PCDH15: variants seen among roughly 807,000 people sequenced by gnomAD.
PCDH15 encodes protocadherin related 15.
In PCDH15, 129 loss-of-function variants were observed where a neutral mutation model predicts 178.5. That is an observed-to-expected ratio of 0.72 (90% CI 0.63 to 0.84). The LOEUF (loss-of-function observed/expected upper bound fraction) is 0.84. Among genes scored for constraint, PCDH15 ranks in the 40% least tolerant of loss-of-function variants. PCDH15 has a pLI of 0.00. For synonymous variants in PCDH15, 800 were observed against 732.0 expected (o/e 1.09, Z -1.50); for missense variants, 2,230 against 2,099.9 (o/e 1.06, Z -1.21).
chr10:54,092,212 C>A (rs2094610544), intron 15 of PCDH15, among the ~76,000 whole-genome samples: 1 of 152,162 alleles, frequency 6.6e-6, no homozygotes, highest in African/African-American at 2.4e-5. Context: ...AACCCATCAG[C>A]AGATCCCACC....
intron 1 of PCDH15, chr10:55,247,986 T>A (rs2132219983): frequency 6.6e-6 from 1 of 150,854 alleles, no homozygotes; most frequent in South Asian, 2.1e-4. Context: ...GGCTTTTTTT[T>A]TTTTTTACAA....
chr10:55,207,994 T>G (rs1035229612), intron 1 of PCDH15, among the ~76,000 whole-genome samples: 1 of 151,950 alleles, frequency 6.6e-6, no homozygotes, highest in African/African-American at 2.4e-5. Flanking sequence ...AAACAAAAAA[T>G]TAATAGATAC....
intron 25 of PCDH15, among the ~76,000 whole-genome samples, chr10:53,936,342 C>T (rs1466936622): frequency 6.6e-6 from 1 of 152,056 alleles, no homozygotes; most frequent in Non-Finnish European, 1.5e-5. Flanking sequence ...TAATTTGTTA[C>T]TTTTGGCAGC....
At chr10:55,608,993 A>G (rs1461824579) in intron 2 of PCDH15, among the ~76,000 whole-genome samples, 1 of 145,370 alleles carries the variant, frequency 6.9e-6, no homozygotes, top group South Asian at 2.2e-4. Context: ...CTATGGGACT[A>G]TACATATATG....
At chr10:53,815,090 C>G (rs1486799666) in intron 35 of PCDH15, among the ~76,000 whole-genome samples, 2 of 152,162 alleles carry the variant, frequency 1.3e-5, no homozygotes, top group East Asian at 3.9e-4. Flanking sequence ...GTAACAACCC[C>G]TTAGTTGATG....
chr10:54,146,295 A>G (rs1215893487), intron 14 of PCDH15, among the ~76,000 whole-genome samples: 1 of 152,006 alleles, frequency 6.6e-6, no homozygotes, highest in Non-Finnish European at 1.5e-5. Flanking sequence ...AATTAAACAT[A>G]GCCTTGCATT....
At chr10:54,011,748 C>G (rs1290689363) in intron 20 of PCDH15, among the ~76,000 whole-genome samples, 1 of 152,162 alleles carries the variant, frequency 6.6e-6, no homozygotes, top group Admixed American at 6.5e-5. Flanking sequence ...AAAGGTCATG[C>G]ACAAAACCTC....
At chr10:55,275,065 T>A (rs1842552629) in intron 1 of PCDH15, among the ~76,000 whole-genome samples, 1 of 152,098 alleles carries the variant, frequency 6.6e-6, no homozygotes, top group Non-Finnish European at 1.5e-5. Context: ...GTGATGTTTT[T>A]ATTGAATTAC....
At position 53,970,673 on chromosome 10, in the gene PCDH15, A is replaced by T. The variant is rs528626478; in HGVS notation, c.2869-8781T>A. Among the ~76,000 whole-genome samples, 11 of 152,300 alleles carry T rather than the reference A, an allele frequency of 7.2e-5. No homozygotes were observed. In the South Asian group the frequency reaches 2.3e-3, roughly 32 times the overall value. On this transcript the variant is annotated intron_variant, in intron 21 of 37. Transcript: ENST00000644397. ...ATACTATAAACACCTCTATGCAAATAAGCTAGAAAGTCTAGAAGAAATGGA... is the reference window on the plus strand; with the variant it reads ...ATACTATAAACACCTCTATGCAAATTAGCTAGAAAGTCTAGAAGAAATGGA...
rs1841107122 is a variant in PCDH15, at chr10:53,805,716, A to C, written c.*863T>G. ...GTGACATTAATGTGAGACTTCCCTAACCTCACCATGTCTTCCATTATGAAA... is the reference window on the plus strand; with the variant it reads ...GTGACATTAATGTGAGACTTCCCTACCCTCACCATGTCTTCCATTATGAAA... On this transcript the variant is annotated 3_prime_UTR_variant, in exon 38 of 38. Coordinates refer to ENST00000644397, the MANE Select transcript of PCDH15 (RefSeq NM_001384140.1). 6.6e-6 allele frequency: 1 copy of C among 151,978 alleles called. No individual in the cohort carries two copies. The highest frequency in any genetic ancestry group is 1.5e-5 in the Non-Finnish European group (1 of 67,970). 9.4% of individuals were successfully genotyped at this position (151,978 alleles called of 1,614,324 possible).
intron 21 of PCDH15, among the ~76,000 whole-genome samples, chr10:53,963,762 C>T (rs1021098862): frequency 3.3e-5 from 5 of 152,196 alleles, no homozygotes; most frequent in African/African-American, 1.2e-4. Flanking sequence ...AGCCCCATAG[C>T]CAAATCATCA....
At chr10:54,817,114 A>C (rs1201112312) in intron 3 of PCDH15, among the ~76,000 whole-genome samples, 1 of 152,032 alleles carries the variant, frequency 6.6e-6, no homozygotes, top group African/African-American at 2.4e-5. Flanking sequence ...TATTTAATGC[A>C]CAAGAAATAA....
chr10:54,668,205 G>A (rs2094603150), intron 1 of PCDH15, among the ~76,000 whole-genome samples: 1 of 151,662 alleles, frequency 6.6e-6, no homozygotes, highest in African/African-American at 2.4e-5. Context: ...AGTGAACAAA[G>A]CTGACACATT....
intron 3 of PCDH15, among the ~76,000 whole-genome samples, chr10:54,417,032 T>G (rs1003972224): frequency 9.9e-5 from 15 of 152,248 alleles, no homozygotes; most frequent in African/African-American, 3.6e-4. Flanking sequence ...CTTTGGCAGA[T>G]GGGAGACTGC....
chr10:55,524,987 T>A (rs1208977981), intron 2 of PCDH15, among the ~76,000 whole-genome samples: 2 of 151,806 alleles, frequency 1.3e-5, no homozygotes, highest in East Asian at 3.9e-4. Context: ...ATGTGAAATG[T>A]CTCAACCTTT....
intron 15 of PCDH15, among the ~76,000 whole-genome samples, chr10:54,104,560 G>C (rs141112698): frequency 6.6e-6 from 1 of 151,652 alleles, no homozygotes; most frequent in African/African-American, 2.4e-5. Flanking sequence ...GAGTTCAGCC[G>C]GGCGCGGTAG....
intron 2 of PCDH15, among the ~76,000 whole-genome samples, chr10:54,990,613 T>C (rs573213542): frequency 6.6e-6 from 1 of 152,334 alleles, no homozygotes; most frequent in East Asian, 1.9e-4. Context: ...TTTTTAAAAT[T>C]AGGTAATACA....
chr10:54,164,345 T>C (rs1351087998), intron 13 of PCDH15, among the ~76,000 whole-genome samples: 4 of 152,330 alleles, frequency 2.6e-5, no homozygotes, highest in Admixed American at 6.5e-5. Flanking sequence ...AATTCATTTA[T>C]GTAGTTAGAT....
chr10:55,323,020 G>T (rs1392833167), upstream of PCDH15, among the ~76,000 whole-genome samples: 1 of 152,126 alleles, frequency 6.6e-6, no homozygotes, highest in South Asian at 2.1e-4. Context: ...CTGTGTCCCA[G>T]CTGCTTCAGC....
Sources: allele counts gnomAD v4.1 joint callset (sites outside exome capture counted in the v4.1 genomes callset), GRCh38; gene constraint gnomAD v4.1.1; transcripts MANE v1.5; gene names NCBI Gene and HGNC (gene_info 2026-07-23, HGNC 2026-07-21).